The following KCNIP4 variants were observed in gnomAD, a reference collection of about 807,000 sequenced individuals.
KCNIP4 encodes Kv channel-interacting protein 4.
KCNIP4 carries 12 observed loss-of-function variants against 34.0 expected under a neutral mutation model. The observed-to-expected ratio is 0.35, with a 90% confidence interval of 0.23 to 0.57. The LOEUF is 0.57. KCNIP4 is among the 20% of genes least tolerant of loss of function. The pLI, the probability that KCNIP4 is intolerant of heterozygous loss-of-function variation, is 0.83. For missense variants in KCNIP4, 238 were observed against 311.7 expected (o/e 0.76, Z 1.78); for synonymous variants, 124 against 102.2 (o/e 1.21, Z -1.29).
intron 1 of KCNIP4, chr4:21,544,249 TTCTCTCTCTCTCTC>T (rs3049991): frequency 6.7e-6 from 1 of 149,166 alleles, no homozygotes; most frequent in Non-Finnish European, 1.5e-5. Context: ...CTCTGTCTCT[TTCTCTCTCTCTCTC>T]TCTCTCTCAC....
At chr4:21,289,016 G>T (rs956006271) in intron 1 of KCNIP4, among the ~76,000 whole-genome samples, 1 of 152,118 alleles carries the variant, frequency 6.6e-6, no homozygotes, top group Non-Finnish European at 1.5e-5. Flanking sequence ...ATTATTGACT[G>T]GGTTTGGATG....
chr4:20,952,868 T>C (rs1024848458), intron 1 of KCNIP4, among the ~76,000 whole-genome samples: 1 of 152,234 alleles, frequency 6.6e-6, no homozygotes, highest in African/African-American at 2.4e-5. Context: ...GATCAAGTGC[T>C]GGGAGATTCT....
chr4:21,166,938 C>CAAAAAAAAAAAAAAAAAAAAA lies in KCNIP4; in HGVS notation c.62-284250_62-284230dup, dbSNP rs55649635. Among the ~76,000 whole-genome samples, 16 of 37,562 alleles carry CAAAAAAAAAAAAAAAAAAAAA rather than the reference C, an allele frequency of 4.3e-4. 2 individuals are homozygous for CAAAAAAAAAAAAAAAAAAAAA. The highest frequency in any genetic ancestry group is 1.7e-3 in the African/African-American group (16 of 9,322). The allele number at this position is 37,562 out of a possible 152,430, so 24.6% of individuals were successfully genotyped here. On this transcript the variant is annotated intron_variant, in intron 1 of 8. Coordinates refer to ENST00000382152, the MANE Select transcript of KCNIP4 (RefSeq NM_025221.6). ...TGGGGGACAGAGCTACACTCCATCTCAAAAAAAAAAAAAAAAAAAAAAAAA... is the reference window on the plus strand; with the variant it reads ...TGGGGGACAGAGCTACACTCCATCTCAAAAAAAAAAAAAAAAAAAAAAAAAAAAAAAAAAAAAAAAAAAAAA...
chr4:21,518,578 A>T (rs1343167376), intron 1 of KCNIP4, among the ~76,000 whole-genome samples: 1 of 152,144 alleles, frequency 6.6e-6, no homozygotes, highest in East Asian at 1.9e-4. Flanking sequence ...CTGAAGAGGT[A>T]GGACCTGCCG....
chr4:21,734,958 G>A (rs757891694), intron 1 of KCNIP4, among the ~76,000 whole-genome samples: 5 of 152,010 alleles, frequency 3.3e-5, no homozygotes, highest in African/African-American at 1.2e-4. Context: ...AAAGATTAGT[G>A]TAAAGAGAGA....
At chr4:21,125,465 TC>T (rs1234008705) in intron 1 of KCNIP4, among the ~76,000 whole-genome samples, 1 of 152,030 alleles carries the variant, frequency 6.6e-6, no homozygotes, top group Non-Finnish European at 1.5e-5. Context: ...TCTGCCCACC[TC>T]GGCCTTCCAA....
chr4:21,187,677 A>G (rs536091326), intron 1 of KCNIP4, among the ~76,000 whole-genome samples: 100 of 151,950 alleles, frequency 6.6e-4, no homozygotes, highest in African/African-American at 2.3e-3. Flanking sequence ...GGGCATTTAG[A>G]TTCTCCTTAC....
chr4:21,440,802 T>C (rs1727404807), intron 1 of KCNIP4, among the ~76,000 whole-genome samples: 1 of 152,202 alleles, frequency 6.6e-6, no homozygotes, highest in African/African-American at 2.4e-5. Flanking sequence ...AGCTATTTAT[T>C]GTCAGTAACA....
chr4:21,860,481 T>C (rs770758203), intron 1 of KCNIP4, among the ~76,000 whole-genome samples: 2 of 151,974 alleles, frequency 1.3e-5, no homozygotes, highest in African/African-American at 2.4e-5. Flanking sequence ...ATATTTGAGA[T>C]GACTATAATT....
chr4:21,517,837 C>T (rs779652231), intron 1 of KCNIP4, among the ~76,000 whole-genome samples: 3 of 152,158 alleles, frequency 2.0e-5, no homozygotes, highest in Admixed American at 6.6e-5. Context: ...TAATTACCCT[C>T]TCTGCATGCA....
intron 1 of KCNIP4, among the ~76,000 whole-genome samples, chr4:21,703,693 T>C (rs1004292041): frequency 6.6e-6 from 1 of 152,130 alleles, no homozygotes; most frequent in African/African-American, 2.4e-5. Context: ...ACAAAACATA[T>C]ACAAGACTTG....
At chr4:21,234,724 C>G (rs1759221475) in intron 1 of KCNIP4, among the ~76,000 whole-genome samples, 1 of 150,774 alleles carries the variant, frequency 6.6e-6, no homozygotes, top group Non-Finnish European at 1.5e-5. Flanking sequence ...CTCAGCTCAC[C>G]ACAACCTCTG....
intron 1 of KCNIP4, among the ~76,000 whole-genome samples, chr4:21,520,207 C>T (rs1735406397): frequency 6.6e-6 from 1 of 152,074 alleles, no homozygotes; most frequent in Non-Finnish European, 1.5e-5. Context: ...TCTCCTTTGG[C>T]AACACCCTCA....
At chr4:21,347,187 C>T (rs956430083) in intron 1 of KCNIP4, among the ~76,000 whole-genome samples, 66 of 152,100 alleles carry the variant, frequency 4.3e-4, no homozygotes, top group African/African-American at 1.6e-3. Flanking sequence ...AATGTTAATG[C>T]TTAGGAGCCA....
chr4:21,903,641 T>G (rs1727828111), intron 1 of KCNIP4, among the ~76,000 whole-genome samples: 1 of 152,116 alleles, frequency 6.6e-6, no homozygotes, highest in Admixed American at 6.6e-5. Context: ...TTTTTTAATA[T>G]AGAGTAAATT....
At chr4:21,361,364 A>G (rs898627783) in intron 1 of KCNIP4, among the ~76,000 whole-genome samples, 1 of 152,114 alleles carries the variant, frequency 6.6e-6, no homozygotes, top group Non-Finnish European at 1.5e-5. Flanking sequence ...AATGGCACTT[A>G]GAAAATCCTC....
chr4:21,047,429 T>G (rs1429393262), intron 1 of KCNIP4, among the ~76,000 whole-genome samples: 2 of 152,224 alleles, frequency 1.3e-5, no homozygotes, highest in Admixed American at 6.5e-5. Flanking sequence ...ATAGACATTC[T>G]GATGAGTTTT....
At chr4:21,655,454 C>A (rs190491327) in intron 1 of KCNIP4, among the ~76,000 whole-genome samples, 19 of 152,210 alleles carry the variant, frequency 1.2e-4, no homozygotes, top group Non-Finnish European at 1.9e-4. Flanking sequence ...AAATGAACAT[C>A]TTCCTACCCT....
intron 1 of KCNIP4, among the ~76,000 whole-genome samples, chr4:21,432,671 A>G (rs561515609): frequency 6.6e-6 from 1 of 152,330 alleles, no homozygotes; most frequent in East Asian, 1.9e-4. Context: ...AAAACCAGAC[A>G]TAAAATTCCT....
Sources: gnomAD v4.1 joint callset for allele counts (sites outside exome capture counted in the v4.1 genomes callset) on GRCh38, gnomAD v4.1.1 for gene constraint, MANE v1.5 for transcripts, NCBI Gene and HGNC (gene_info 2026-07-23, HGNC 2026-07-21) for gene names.